The following RARS2 variants were observed in gnomAD, a reference collection of about 807,000 sequenced individuals.
RARS2 encodes arginyl-tRNA synthetase 2, mitochondrial.
In RARS2, 67 loss-of-function variants were observed where a neutral mutation model predicts 88.5. That is an observed-to-expected ratio of 0.76 (90% confidence interval 0.62 to 0.93). The LOEUF is 0.93. Among genes scored for constraint, RARS2 ranks in the 40% least tolerant of loss-of-function variants. The pLI, the probability that RARS2 is intolerant of heterozygous loss-of-function variation, is 0.00. For synonymous variants in RARS2, 239 were observed against 230.3 expected (o/e 1.04, Z -0.34); for missense variants, 664 against 684.2 (o/e 0.97, Z 0.33).
At chr6:87,539,745 G>A (rs1160916138) in intron 8 of RARS2, among the ~76,000 whole-genome samples, 3 of 152,154 alleles carry the variant, frequency 2.0e-5, no homozygotes, top group African/African-American at 2.4e-5. Context: ...AACTGCTGGC[G>A]AGTGTACCCT....
Position 87,529,646 on chromosome 6 carries a change from A to G in RARS2, c.774T>C (p.Arg258=). ...SIEEYIRVYK[R]LGVYFDEYSG... ...AATATTCATCAAAATATACTCCCAG[A>G]CGCTAAAAGAGTTCAGAAACAAAAA... The change falls in exon 10 of 20, where the codon CGT becomes CGC. Residue 258 remains arginine (R), a splice_region_variant and synonymous_variant. Coordinates refer to ENST00000369536, the MANE Select transcript of RARS2 (RefSeq NM_020320.5). 1 of 1,589,532 alleles carries G rather than the reference A, an allele frequency of 6.3e-7. No homozygotes were observed. Among genetic ancestry groups the G allele is most frequent in the Non-Finnish European group, 8.6e-7 (1 of 1,157,698 alleles).
At chr6:87,547,213 C>T (rs1782856295) in intron 6 of RARS2, among the ~76,000 whole-genome samples, 1 of 152,198 alleles carries the variant, frequency 6.6e-6, no homozygotes. Flanking sequence ...CATACCCTAC[C>T]CATCATTTAC....
intron 1 of RARS2, among the ~76,000 whole-genome samples, chr6:87,589,514 T>C (rs1207943057): frequency 6.6e-6 from 1 of 152,148 alleles, no homozygotes; most frequent in Non-Finnish European, 1.5e-5. Context: ...CCTAAGTGAC[T>C]GCAAGAGAAA....
At chr6:87,534,119 T>C (rs140112887) in intron 8 of RARS2, among the ~76,000 whole-genome samples, 353 of 152,334 alleles carry the variant, frequency 2.3e-3, no homozygotes, top group Non-Finnish European at 3.8e-3. Flanking sequence ...GATCAGAAAT[T>C]TCTTAGCTGC....
Position 87,564,284 on chromosome 6 carries a change from T to G in RARS2, c.111-52A>C, listed in dbSNP as rs576050760. ...GAACTGTTACCTTAAAAGCATTAGT[T>G]GTTAAACAAAGACTAATCACTATGA... On this transcript the variant is annotated intron_variant, in intron 2 of 19. Coordinates refer to ENST00000369536, the MANE Select transcript of RARS2 (RefSeq NM_020320.5). 1.5e-5 allele frequency: 20 copies of G among 1,316,454 alleles called. No homozygotes were observed. The East Asian group carries it at 4.6e-4, about 30-fold the overall frequency. 81.5% of individuals were successfully genotyped at this position (1,316,454 alleles called of 1,614,324 possible). A position where few individuals can be genotyped will look rare whatever the true frequency, so the allele number is the denominator to read the frequency against.
In RARS2 at chr6:87,518,151, C is replaced by T; in HGVS notation, c.1511+18G>A. On this transcript the variant is annotated intron_variant, in intron 17 of 19. Transcript: ENST00000369536. ...GATAAGCAGAAGCACACTTGATGAT[C>T]CCTGGAAAACATCATACCTGAGAAG... The T allele has an allele frequency of 6.2e-7, 1 of 1,614,048 alleles. No individual in the cohort carries two copies. The highest frequency in any genetic ancestry group is 2.2e-5 in the East Asian group (1 of 44,864).
intron 1 of RARS2, among the ~76,000 whole-genome samples, chr6:87,570,647 T>C (rs1003161167): frequency 4.6e-5 from 7 of 152,190 alleles, no homozygotes; most frequent in African/African-American, 1.7e-4. Flanking sequence ...CTCAAACTCC[T>C]GACCTCAGAT....
intron 5 of RARS2, among the ~76,000 whole-genome samples, chr6:87,551,626 C>CAAA (rs71018036): frequency 0.18 from 11,252 of 63,894 alleles, 1,530 homozygotes; most frequent in East Asian, 0.27. Context: ...TCCGTCTCAA[C>CAAA]AAAAAAAAAA....
At chr6:87,543,184 A>G (rs993858511) in intron 7 of RARS2, among the ~76,000 whole-genome samples, 1 of 151,138 alleles carries the variant, frequency 6.6e-6, no homozygotes, top group East Asian at 2.0e-4. Flanking sequence ...ATGCCTGTAA[A>G]CCCAGCTACC....
At chr6:87,536,942 G>T (rs1269638497) in intron 8 of RARS2, among the ~76,000 whole-genome samples, 1 of 152,200 alleles carries the variant, frequency 6.6e-6, no homozygotes, top group Non-Finnish European at 1.5e-5. Flanking sequence ...GGAAAAGAAT[G>T]CTATAAGGTA....
chr6:87,518,578 T>C (rs540253901), intron 16 of RARS2, 52 bp downstream of exon 16: 2 of 1,532,604 alleles, frequency 1.3e-6, no homozygotes, highest in Admixed American at 1.7e-5. Flanking sequence ...TCACAGGACC[T>C]AGCCTAAGTA....
At chr6:87,518,128 T>G (rs1482055047) in intron 17 of RARS2, 41 bp downstream of exon 17, 1 of 1,614,026 alleles carries the variant, frequency 6.2e-7, no homozygotes, top group Non-Finnish European at 8.5e-7. Context: ...GCCATTTTGA[T>G]AAGCAGAAGC....
In RARS2 at chr6:87,541,967, A is replaced by G; in HGVS notation, c.563T>C (p.Phe188Ser). 1 of 1,613,668 alleles carries G rather than the reference A, an allele frequency of 6.2e-7. No individual in the cohort carries two copies. The highest frequency in any genetic ancestry group is 8.5e-7 in the Non-Finnish European group (1 of 1,179,660). The part of the protein sequence containing the change: ...FGLLGTGFQL[F>S]GYEEKLQSNP... ...GGACTGCAGTTTTTCCTCATAGCCA[A>G]ACAGCTGGAAGCCAGTTCCCAGAAG... The change falls in exon 8 of 20, where the codon TTT becomes TCT. Residue 188 changes from phenylalanine to serine, a missense_variant. Phe to Ser is a radical substitution (Grantham distance 155, BLOSUM62 -2). Coordinates refer to ENST00000369536, the MANE Select transcript of RARS2 (RefSeq NM_020320.5).
At chr6:87,583,502 T>A (rs1774213628) in intron 1 of RARS2, among the ~76,000 whole-genome samples, 1 of 151,632 alleles carries the variant, frequency 6.6e-6, no homozygotes, top group African/African-American at 2.4e-5. Flanking sequence ...GGCAGGAGAA[T>A]CGCTTGAACC....
chr6:87,531,603 G>C (rs1285703553), intron 8 of RARS2, among the ~76,000 whole-genome samples: 1 of 152,106 alleles, frequency 6.6e-6, no homozygotes. Flanking sequence ...AAACTGTGTT[G>C]AGCACCTCTT....
At chr6:87,524,844 T>G (rs1241150400) in intron 10 of RARS2, among the ~76,000 whole-genome samples, 192 bp from the exon 11 acceptor site, 2 of 152,188 alleles carry the variant, frequency 1.3e-5, no homozygotes, top group Non-Finnish European at 2.9e-5. Flanking sequence ...ATGGGTATGA[T>G]GTAATTAATA....
intron 1 of RARS2, 45 bp downstream of exon 1, chr6:87,589,877 T>A (rs1281367814): frequency 2.5e-6 from 4 of 1,613,848 alleles, no homozygotes; most frequent in South Asian, 1.1e-5. Context: ...GCCTTTGGGG[T>A]CCCTAGCTCC....
intron 14 of RARS2, chr6:87,519,114 T>C (rs185208770): frequency 7.4e-4 from 379 of 510,778 alleles, no homozygotes; most frequent in African/African-American, 6.6e-3. Flanking sequence ...AAGATACTTG[T>C]AGGAAAAATA....
chr6:87,532,878 A>G (rs1318705920), intron 8 of RARS2, among the ~76,000 whole-genome samples: 1 of 152,210 alleles, frequency 6.6e-6, no homozygotes, highest in Non-Finnish European at 1.5e-5. Flanking sequence ...AAAGTATGGG[A>G]AAACAAAAAG....
Sources: allele counts gnomAD v4.1 joint callset (sites outside exome capture counted in the v4.1 genomes callset), GRCh38; gene constraint gnomAD v4.1.1; transcripts MANE v1.5; gene names NCBI Gene and HGNC (gene_info 2026-07-23, HGNC 2026-07-21).